DNAH6: variants seen among roughly 807,000 people sequenced by gnomAD.
DNAH6 encodes the protein axonemal beta dynein heavy chain 6.
Under a neutral mutation model 491.4 loss-of-function variants are expected in DNAH6, and 340 were observed. The ratio of observed to expected loss-of-function variants is 0.69; its 90% CI spans 0.63 to 0.76. DNAH6 has a LOEUF of 0.76. Ranked by LOEUF, DNAH6 falls within the 30% of genes least tolerant of loss-of-function variation. The pLI is 0.00. For missense variants in DNAH6, 4,443 were observed against 4,972.2 expected (o/e 0.89, Z 3.20); for synonymous variants, 1,603 against 1,686.1 (o/e 0.95, Z 1.21).
rs1199979057 is a variant in DNAH6, at chr2:84,552,966, A to C, written c.1534A>C (p.Met512Leu). Reference sequence around the variant, plus strand: ...AGAAGAAGATGAATCTCTCATCCCCATGTTTCTCACAGAACTAATGTTGAC... The same window carrying C: ...AGAAGAAGATGAATCTCTCATCCCCCTGTTTCTCACAGAACTAATGTTGAC... ...KQEEDESLIP[M>L]FLTELMLTVQ... Residue 512 changes from methionine to leucine, a missense_variant, in exon 10 of 77, where the codon ATG (methionine) becomes CTG (leucine). Physicochemically the swap from Met to Leu is conservative, Grantham distance 15 (BLOSUM62 2). Transcript: ENST00000389394. 6.2e-7 allele frequency: 1 copy of C among 1,612,408 alleles called. No homozygotes were observed. Among genetic ancestry groups the C allele is most frequent in the Non-Finnish European group, 8.5e-7 (1 of 1,179,342 alleles).
chr2:84,745,432 G>A (rs1029752277), intron 63 of DNAH6, among the ~76,000 whole-genome samples, 183 bp downstream of exon 63: 2 of 152,198 alleles, frequency 1.3e-5, no homozygotes, highest in African/African-American at 2.4e-5. Context: ...TTGGGAGACC[G>A]AGGCAGGTGG....
upstream of DNAH6, among the ~76,000 whole-genome samples, chr2:84,513,871 AT>A (rs143771011): frequency 0.011 from 1,700 of 151,774 alleles, 31 homozygotes; most frequent in African/African-American, 0.039. Flanking sequence ...ATTTTTAACA[AT>A]TTTTTCCCAC....
At chr2:84,649,841 A>C (rs1690253411) in intron 33 of DNAH6, among the ~76,000 whole-genome samples, 1 of 152,166 alleles carries the variant, frequency 6.6e-6, no homozygotes, top group African/African-American at 2.4e-5. Flanking sequence ...CTGAAAAATG[A>C]TGGGTTGATA....
At chr2:84,518,763 A>T (rs1329836277) in intron 2 of DNAH6, among the ~76,000 whole-genome samples, 1 of 152,192 alleles carries the variant, frequency 6.6e-6, no homozygotes, top group East Asian at 1.9e-4. Flanking sequence ...GCAAATGAAC[A>T]AATATAAATG....
At chr2:84,510,413 T>C in the DNAH6 span, among the ~76,000 whole-genome samples, 5 of 152,246 alleles carry the variant, frequency 3.3e-5, no homozygotes, top group African/African-American at 1.2e-4. Context: ...CGTGCCTTGG[T>C]TTTCAGCTCC....
rs147557015 is a variant in DNAH6 at position 84,700,733 on chromosome 2, G to A, written c.7819-364G>A. Among the ~76,000 whole-genome samples, 619 of 152,308 alleles carry A rather than the reference G, an allele frequency of 4.1e-3. 5 individuals are homozygous for A. Among genetic ancestry groups the A allele is most frequent in the African/African-American group, 0.014 (584 of 41,536 alleles). ...GTGCAGGGCAGTGATTATAATGATGGACGTGAGGTCCCAACTATGTAACAA... is the reference window on the plus strand; with the variant it reads ...GTGCAGGGCAGTGATTATAATGATGAACGTGAGGTCCCAACTATGTAACAA... On this transcript the variant is annotated intron_variant, in intron 48 of 76. Coordinates refer to ENST00000389394, the MANE Select transcript of DNAH6 (RefSeq NM_001370.2).
chr2:84,508,053 C>T, the DNAH6 span, among the ~76,000 whole-genome samples: 2 of 152,168 alleles, frequency 1.3e-5, no homozygotes, highest in African/African-American at 4.8e-5. Flanking sequence ...CTCTGCCAGG[C>T]TTTGGTATCA....
intron 19 of DNAH6, among the ~76,000 whole-genome samples, chr2:84,605,191 CA>C (rs58744232): frequency 0.012 from 1,595 of 138,074 alleles, 22 homozygotes; most frequent in African/African-American, 0.036. Context: ...ATTAAAAATA[CA>C]AAAAAAAAAA....
At chr2:84,581,412 A>G (rs1438486251) in intron 14 of DNAH6, among the ~76,000 whole-genome samples, 10 of 152,226 alleles carry the variant, frequency 6.6e-5, no homozygotes, top group Non-Finnish European at 1.2e-4. Context: ...TGGTGCAAAA[A>G]TTACAATGAA....
At chr2:84,483,374 G>A in the DNAH6 span, among the ~76,000 whole-genome samples, 1 of 152,146 alleles carries the variant, frequency 6.6e-6, no homozygotes, top group Non-Finnish European at 1.5e-5. Flanking sequence ...TCAAAGCCTT[G>A]ATATTCCTCC....
intron 63 of DNAH6, among the ~76,000 whole-genome samples, chr2:84,748,512 G>T (rs988273985): frequency 2.0e-5 from 3 of 152,192 alleles, no homozygotes; most frequent in African/African-American, 7.2e-5. Flanking sequence ...CATAACAAGG[G>T]TGACCTTTGT....
chr2:84,549,164 G>A (rs914908050), intron 8 of DNAH6, among the ~76,000 whole-genome samples: 5 of 152,114 alleles, frequency 3.3e-5, no homozygotes, highest in Admixed American at 6.5e-5. Context: ...TTCTAAAACC[G>A]CATGTCTTTG....
chr2:84,575,776 C>A (rs1312339633), intron 12 of DNAH6, among the ~76,000 whole-genome samples: 1 of 152,064 alleles, frequency 6.6e-6, no homozygotes, highest in Non-Finnish European at 1.5e-5. Context: ...CCCAGCTACT[C>A]CAGGGGCTGA....
intron 29 of DNAH6, among the ~76,000 whole-genome samples, chr2:84,634,049 A>C (rs557319230): frequency 6.6e-6 from 1 of 152,300 alleles, no homozygotes; most frequent in African/African-American, 2.4e-5. Flanking sequence ...AGAAATTAAG[A>C]ATCACTACTA....
chr2:84,670,910 T>G (rs955903123), intron 39 of DNAH6, among the ~76,000 whole-genome samples: 4 of 152,190 alleles, frequency 2.6e-5, no homozygotes, highest in Non-Finnish European at 4.4e-5. Flanking sequence ...CCTTATTAAC[T>G]GCTTAGATAA....
the DNAH6 span, among the ~76,000 whole-genome samples, chr2:84,485,435 C>G: frequency 7.9e-5 from 12 of 152,140 alleles, no homozygotes; most frequent in Admixed American, 5.9e-4. Flanking sequence ...AGGGCTGACT[C>G]TGATGGAATG....
At chr2:84,649,580 C>G (rs554548322) in intron 33 of DNAH6, among the ~76,000 whole-genome samples, 1 of 152,230 alleles carries the variant, frequency 6.6e-6, no homozygotes, top group African/African-American at 2.4e-5. Context: ...TCTTTCAGGA[C>G]TTGAAAGCTG....
the DNAH6 span, among the ~76,000 whole-genome samples, chr2:84,475,971 T>C: frequency 6.6e-6 from 1 of 152,148 alleles, no homozygotes. Flanking sequence ...CAGGTCTGAC[T>C]CCCATTAACT....
chr2:84,625,341 G>GA, intron 29 of DNAH6, among the ~76,000 whole-genome samples: 1 of 152,236 alleles, frequency 6.6e-6, no homozygotes, highest in South Asian at 2.1e-4. Flanking sequence ...GAAACGAGAT[G>GA]AGGTACAAGA....
Sources: allele counts gnomAD v4.1 joint callset (sites outside exome capture counted in the v4.1 genomes callset), GRCh38; gene constraint gnomAD v4.1.1; transcripts MANE v1.5; gene names NCBI Gene and HGNC (gene_info 2026-07-23, HGNC 2026-07-21).